Variants in TNR observed in about 807,000 individuals in gnomAD.
TNR encodes tenascin-R.
A neutral mutation model predicts 150.4 loss-of-function variants in TNR; 45 were observed. The ratio of observed to expected loss-of-function variants is 0.30; its 90% CI spans 0.24 to 0.38. The LOEUF is 0.38. Ranked by LOEUF, TNR falls within the 10% of genes least tolerant of loss-of-function variation. The pLI is 1.00. For missense variants in TNR, 1,544 were observed against 1,759.1 expected (o/e 0.88, Z 2.19); for synonymous variants, 687 against 678.4 (o/e 1.01, Z -0.20).
intron 2 of TNR, among the ~76,000 whole-genome samples, chr1:175,454,466 A>C (rs1656470534): frequency 6.6e-6 from 1 of 151,992 alleles, no homozygotes; most frequent in Non-Finnish European, 1.5e-5. Flanking sequence ...ATTGTGTTTT[A>C]TTCATTCATT....
chr1:175,517,057 G>GAA (rs1303620531), intron 2 of TNR, among the ~76,000 whole-genome samples: 1 of 111,142 alleles, frequency 9.0e-6, no homozygotes, highest in African/African-American at 3.4e-5. Flanking sequence ...GAGAGAGAGA[G>GAA]AAAGAGAGAG....
intron 2 of TNR, among the ~76,000 whole-genome samples, chr1:175,528,017 C>A (rs563840131): frequency 1.3e-5 from 2 of 152,134 alleles, no homozygotes; most frequent in African/African-American, 4.8e-5. Context: ...CATTACCAAC[C>A]GCATCATGAA....
chr1:175,740,337 C>CT (rs2101962173), intron 1 of TNR, among the ~76,000 whole-genome samples: 1 of 152,290 alleles, frequency 6.6e-6, no homozygotes, highest in African/African-American at 2.4e-5. Context: ...TTTTATACAT[C>CT]TTTTTTGGGG....
chr1:175,738,419 C>T (rs923836386), intron 1 of TNR, among the ~76,000 whole-genome samples: 3 of 152,084 alleles, frequency 2.0e-5, no homozygotes, highest in Admixed American at 6.5e-5. Flanking sequence ...GAACTGGCTA[C>T]GAAAGGACAA....
intron 2 of TNR, among the ~76,000 whole-genome samples, chr1:175,475,973 G>A (rs993879920): frequency 6.6e-6 from 1 of 152,198 alleles, no homozygotes; most frequent in Non-Finnish European, 1.5e-5. Flanking sequence ...TGCAGGATAA[G>A]GGGAACATTA....
chr1:175,408,118 C>G (rs186894468), intron 2 of TNR, among the ~76,000 whole-genome samples: 3 of 152,304 alleles, frequency 2.0e-5, no homozygotes, highest in African/African-American at 4.8e-5. Flanking sequence ...ACAGCACTTG[C>G]CATGCTAGAC....
Position 175,403,388 on chromosome 1 carries a change from C to A in TNR, c.728G>T (p.Gly243Val). The change falls in exon 4 of 23, where the codon GGG becomes GTG. Residue 243 changes from glycine to valine, a missense_variant. Transcript: ENST00000367674. ...GACACACTCCCCGTCCACGCAGAGCCCCCGGGAGCTGCAGTCTGTTGGGCA... is the reference window on the plus strand; with the variant it reads ...GACACACTCCCCGTCCACGCAGAGCACCCGGGAGCTGCAGTCTGTTGGGCA... ...LRCPTDCSSR[G>V]LCVDGECVCE... The A allele has an allele frequency of 6.2e-7, 1 of 1,614,204 alleles. No homozygotes were observed. The highest frequency in any genetic ancestry group is 8.5e-7 in the Non-Finnish European group (1 of 1,180,048).
At chr1:175,588,650 C>T (rs1264692814) in intron 1 of TNR, among the ~76,000 whole-genome samples, 4 of 152,166 alleles carry the variant, frequency 2.6e-5, no homozygotes, top group Non-Finnish European at 5.9e-5. Flanking sequence ...GTTCATCTGC[C>T]TCACAATCCC....
chr1:175,388,882 T>C (rs1653049387), intron 7 of TNR, among the ~76,000 whole-genome samples: 1 of 152,216 alleles, frequency 6.6e-6, no homozygotes, highest in South Asian at 2.1e-4. Flanking sequence ...ATACTGCAAA[T>C]GTTATAAGAA....
chr1:175,377,402 G>A lies in TNR; in HGVS notation c.1963+2150C>T, dbSNP rs187630291. On this transcript the variant is annotated intron_variant, in intron 9 of 22. Coordinates refer to ENST00000367674, the MANE Select transcript of TNR (RefSeq NM_003285.3). Reference sequence around the variant, plus strand: ...ACTGCTAATTACCAAATTAGCCTGCGGCTCTAGGCAGGGATGGGCTGCGCT... The same window carrying A: ...ACTGCTAATTACCAAATTAGCCTGCAGCTCTAGGCAGGGATGGGCTGCGCT... 5.1e-4 allele frequency among the ~76,000 whole-genome samples: 77 copies of A among 151,544 alleles called. No homozygotes were observed. The East Asian group carries it at 8.1e-3, about 16-fold the overall frequency.
In TNR at chr1:175,364,894, A is replaced by C. The variant is rs967790267; in HGVS notation, c.2587+116T>G. ...TCAGAACAGGTCACAGACTTTCTCT[A>C]GCCATAGAGGAAATCCCCTACTCCT... is the stretch of plus-strand genomic sequence containing the variant. On this transcript the variant is annotated intron_variant, in intron 12 of 22. Transcript: ENST00000367674. The C allele has an allele frequency of 6.2e-6, 8 of 1,298,912 alleles. No homozygotes were observed. In the African/African-American group the frequency reaches 1.2e-4, roughly 19 times the overall value. 80.5% of individuals were successfully genotyped at this position (1,298,912 alleles called of 1,614,324 possible).
intron 1 of TNR, among the ~76,000 whole-genome samples, chr1:175,577,366 G>A (rs1042890482): frequency 1.3e-5 from 2 of 152,162 alleles, no homozygotes; most frequent in Non-Finnish European, 2.9e-5. Context: ...TCTTTTACTT[G>A]ACCAAGTGAC....
At chr1:175,649,124 C>T (rs1051903569) in intron 1 of TNR, among the ~76,000 whole-genome samples, 18 of 152,228 alleles carry the variant, frequency 1.2e-4, no homozygotes, top group African/African-American at 4.1e-4. Context: ...AGGACCAATT[C>T]GGCCATGGTC....
chr1:175,639,067 C>T (rs182516006), intron 1 of TNR, among the ~76,000 whole-genome samples: 55 of 152,288 alleles, frequency 3.6e-4, no homozygotes, highest in East Asian at 5.8e-4. Context: ...TTCTATGGCA[C>T]GCACCCTGCT....
At chr1:175,635,950 G>C (rs1040492299) in intron 1 of TNR, among the ~76,000 whole-genome samples, 4 of 152,166 alleles carry the variant, frequency 2.6e-5, no homozygotes, top group Admixed American at 1.3e-4. Context: ...GTTTTGGAGA[G>C]CTATTTATTA....
intron 2 of TNR, among the ~76,000 whole-genome samples, chr1:175,512,014 T>C (rs1390761412): frequency 6.6e-6 from 1 of 152,224 alleles, no homozygotes; most frequent in Non-Finnish European, 1.5e-5. Context: ...TATAGGATGA[T>C]TGAGATAGAA....
intron 1 of TNR, among the ~76,000 whole-genome samples, chr1:175,698,223 G>A (rs747843559): frequency 4.6e-5 from 7 of 152,194 alleles, no homozygotes; most frequent in Non-Finnish European, 8.8e-5. Flanking sequence ...CCACATGTCG[G>A]GTGGCACTCT....
chr1:175,316,631 A>G lies in TNR; in HGVS notation c.*6726T>C, dbSNP rs4651486. On this transcript the variant is annotated 3_prime_UTR_variant, in exon 23 of 23. Transcript: ENST00000367674. ...TGGCTACACTGCCTGCTCCAGCTTG[A>G]AAAAAATGACTGGATATCCCACTCT... is the stretch of plus-strand genomic sequence containing the variant. 44,256 of 152,032 alleles carry G rather than the reference A, an allele frequency of 0.29. 6,839 individuals are homozygous for G. The highest frequency in any genetic ancestry group is 0.49 in the East Asian group (2,554 of 5,168). The allele number at this position is 152,032 out of a possible 1,614,324, so 9.4% of individuals were successfully genotyped here.
intron 20 of TNR, among the ~76,000 whole-genome samples, chr1:175,334,319 G>T (rs551668322): frequency 5.3e-5 from 8 of 152,318 alleles, no homozygotes; most frequent in Admixed American, 3.9e-4. Flanking sequence ...TTAAAGCAAG[G>T]ATGATAATAG....
Sources: allele counts gnomAD v4.1 joint callset (sites outside exome capture counted in the v4.1 genomes callset), GRCh38; gene constraint gnomAD v4.1.1; transcripts MANE v1.5; gene names NCBI Gene and HGNC (gene_info 2026-07-23, HGNC 2026-07-21).